The following SLCO1C1 variants were observed in gnomAD, a reference collection of about 807,000 sequenced individuals.
SLCO1C1 encodes solute carrier organic anion transporter family member 1C1.
Under a neutral mutation model 76.4 loss-of-function variants are expected in SLCO1C1, and 70 were observed. The observed-to-expected ratio is 0.92, with a 90% CI of 0.76 to 1.12. The LOEUF is 1.12. SLCO1C1 is among the 50% of genes most tolerant of loss of function. SLCO1C1 has a pLI of 0.00. For synonymous variants in SLCO1C1, 306 were observed against 286.1 expected, an observed-to-expected ratio of 1.07 and a Z score of -0.70; for missense variants, 912 against 823.8, an observed-to-expected ratio of 1.11 and a Z score of -1.31.
intron 9 of SLCO1C1, among the ~76,000 whole-genome samples, chr12:20,726,523 A>G (rs1948008322): frequency 6.6e-6 from 1 of 152,148 alleles, no homozygotes; most frequent in Non-Finnish European, 1.5e-5. Flanking sequence ...AACTTTGTGG[A>G]AAAATATTAA....
At chr12:20,746,410 A>T (rs1161155743) in intron 13 of SLCO1C1, among the ~76,000 whole-genome samples, 1 of 152,182 alleles carries the variant, frequency 6.6e-6, no homozygotes, top group Non-Finnish European at 1.5e-5. Flanking sequence ...AAAGTAACCA[A>T]ATTAGTCAAT....
intron 5 of SLCO1C1, among the ~76,000 whole-genome samples, chr12:20,713,627 A>C (rs559990608): frequency 1.3e-5 from 2 of 152,132 alleles, no homozygotes; most frequent in Non-Finnish European, 2.9e-5. Context: ...GCTGATAAGG[A>C]TCTTCTCAAA....
chr12:20,732,325 T>C (rs1048970397), intron 9 of SLCO1C1, among the ~76,000 whole-genome samples: 1 of 152,194 alleles, frequency 6.6e-6, no homozygotes, highest in African/African-American at 2.4e-5. Flanking sequence ...GTGAGGCTAA[T>C]AATATGCCTG....
chr12:20,738,117 AC>A (rs1948632516), intron 11 of SLCO1C1, among the ~76,000 whole-genome samples: 1 of 152,052 alleles, frequency 6.6e-6, no homozygotes, highest in Non-Finnish European at 1.5e-5. Flanking sequence ...CATGAGGGCT[AC>A]ACCCTCATGA....
chr12:20,699,872 A>C, intron 2 of SLCO1C1, 167 bp downstream of exon 2: 1 of 651,528 alleles, frequency 1.5e-6, no homozygotes, highest in Non-Finnish European at 2.3e-6. Flanking sequence ...AGCAATCTCT[A>C]CCTGACCATG....
intron 2 of SLCO1C1, among the ~76,000 whole-genome samples, chr12:20,700,825 A>C (rs1946487558): frequency 6.6e-6 from 1 of 152,082 alleles, no homozygotes; most frequent in South Asian, 2.1e-4. Context: ...AATAAGTATA[A>C]ACATAAACAC....
intron 14 of SLCO1C1, 73 bp downstream of exon 14, chr12:20,750,865 C>A: frequency 6.2e-7 from 1 of 1,613,854 alleles, no homozygotes; most frequent in Non-Finnish European, 8.5e-7. Context: ...CTGACACTAA[C>A]AAGTTTTCAT....
intron 5 of SLCO1C1, among the ~76,000 whole-genome samples, chr12:20,712,493 G>A (rs1458926760): frequency 6.6e-6 from 1 of 152,112 alleles, no homozygotes; most frequent in Admixed American, 6.6e-5. Flanking sequence ...GGCAGGGAGA[G>A]CAAATCCCCT....
In SLCO1C1 at chr12:20,732,985, G is replaced by T. The variant is rs371819434; in HGVS notation, c.1263G>T (p.Val421=). ...GIVMKKFRIS[V]CGAAKLYLGS... The stretch of plus-strand genomic sequence containing the variant: ...TTATGAAAAAATTCAGAATCAGTGT[G>T]TGTGGAGCTGCAAAACTCTACTTGG... The change falls in exon 10 of 15, where the codon GTG becomes GTT. Residue 421 remains valine (V), a synonymous_variant. Coordinates refer to ENST00000266509, the MANE Select transcript of SLCO1C1 (RefSeq NM_017435.5). The T allele has an allele frequency of 6.2e-7, 1 of 1,613,848 alleles. No individual in the cohort carries two copies. Among genetic ancestry groups the T allele is most frequent in the African/African-American group, 1.3e-5 (1 of 74,908 alleles).
chr12:20,712,591 G>A (rs372094223), intron 5 of SLCO1C1, among the ~76,000 whole-genome samples: 2 of 152,108 alleles, frequency 1.3e-5, no homozygotes. Context: ...CCTAACCGGA[G>A]GAACCACATT....
chr12:20,724,445 A>ATG (rs1471329855), intron 9 of SLCO1C1, among the ~76,000 whole-genome samples: 15 of 96,516 alleles, frequency 1.6e-4, no homozygotes, highest in African/African-American at 2.5e-4. Context: ...ATATATATAT[A>ATG]TATATATGTG....
intron 7 of SLCO1C1, among the ~76,000 whole-genome samples, chr12:20,718,885 C>T (rs1217016866): frequency 6.6e-6 from 1 of 151,994 alleles, no homozygotes; most frequent in African/African-American, 2.4e-5. Context: ...CCAAAATGCA[C>T]TCTCTTTCCT....
At chr12:20,705,230 A>T (rs1946716099) in intron 3 of SLCO1C1, among the ~76,000 whole-genome samples, 1 of 152,004 alleles carries the variant, frequency 6.6e-6, no homozygotes, top group South Asian at 2.1e-4. Flanking sequence ...TCTACTTTCA[A>T]AAAAACCCAA....
intron 7 of SLCO1C1, among the ~76,000 whole-genome samples, chr12:20,719,832 A>G (rs999769348): frequency 1.3e-5 from 2 of 152,348 alleles, no homozygotes; most frequent in Non-Finnish European, 2.9e-5. Flanking sequence ...AGCTGCAGAA[A>G]GTTATCCAGA....
chr12:20,715,446 T>C (rs1412140432), intron 6 of SLCO1C1, among the ~76,000 whole-genome samples, 161 bp downstream of exon 6: 1 of 152,194 alleles, frequency 6.6e-6, no homozygotes, highest in African/African-American at 2.4e-5. Flanking sequence ...CAGATTTGGA[T>C]GATGAAGACA....
chr12:20,746,624 C>A (rs1949056785), intron 13 of SLCO1C1, among the ~76,000 whole-genome samples: 1 of 152,164 alleles, frequency 6.6e-6, no homozygotes, highest in African/African-American at 2.4e-5. Context: ...AACTAGGTAG[C>A]ATGTGCCTTC....
At position 20,711,497 on chromosome 12, in the gene SLCO1C1, CA is replaced by C; in HGVS notation, c.520del (p.Ile174Ter). ...TTTCAGTTATGGAAAAATCAAAATC[CA>C]AAATAAGTAACGGTAAGATCATTTT... is the stretch of plus-strand genomic sequence containing the variant. ...PVSVMEKSKSKISNECEVDTS... is the reference protein window; with the variant it reads ...PVSVMEKSKSXISNECEVDTS... On this transcript the variant is annotated frameshift_variant, in exon 5 of 15. Coordinates refer to ENST00000266509, the MANE Select transcript of SLCO1C1 (RefSeq NM_017435.5). LOFTEE classifies it high-confidence loss of function. 6.2e-7 allele frequency: 1 copy of C among 1,612,998 alleles called. No individual in the cohort carries two copies. Among genetic ancestry groups the C allele is most frequent in the Non-Finnish European group, 8.5e-7 (1 of 1,179,568 alleles).
At chr12:20,696,352 A>G (rs947553297) in intron 1 of SLCO1C1, among the ~76,000 whole-genome samples, 4 of 152,100 alleles carry the variant, frequency 2.6e-5, no homozygotes, top group Admixed American at 2.6e-4. Flanking sequence ...GAGAGGGAGG[A>G]GCGTGGTTGC....
intron 4 of SLCO1C1, among the ~76,000 whole-genome samples, chr12:20,706,939 T>C (rs959748096): frequency 1.3e-5 from 2 of 152,188 alleles, no homozygotes; most frequent in African/African-American, 4.8e-5. Flanking sequence ...TGATACTTTA[T>C]TGTCCACTCT....
Sources: allele counts gnomAD v4.1 joint callset (sites outside exome capture counted in the v4.1 genomes callset), GRCh38; gene constraint gnomAD v4.1.1; transcripts MANE v1.5; gene names NCBI Gene and HGNC (gene_info 2026-07-23, HGNC 2026-07-21).